Variants in FAT1 observed in about 807,000 individuals in gnomAD.
FAT1 encodes the protein protocadherin Fat 1.
A neutral mutation model predicts 329.8 loss-of-function variants in FAT1; 171 were observed. The observed-to-expected ratio is 0.52, with a 90% CI of 0.46 to 0.59. The LOEUF (loss-of-function observed/expected upper bound fraction) is 0.59, where lower values mean the gene tolerates loss of function less well. Among genes scored for constraint, FAT1 ranks in the 20% least tolerant of loss-of-function variants. The probability of loss-of-function intolerance (pLI) is 0.00; values close to 1 mark genes in which losing one functional copy is unlikely to be tolerated. For synonymous variants in FAT1, 2,233 were observed against 2,228.6 expected, an observed-to-expected ratio of 1.00 and a Z score of -0.06; for missense variants, 5,672 against 5,774.4, an observed-to-expected ratio of 0.98 and a Z score of 0.57.
At position 186,633,719 on chromosome 4, in the gene FAT1, C is replaced by G; in HGVS notation, c.4288G>C (p.Glu1430Gln). ...EQKSNYNLTV[E>Q]ATDGTTTILT... ...ATAGTGGTGGTTCCATCTGTAGCCT[C>G]GACTGTGAGGTTGTAGTTTGACTTC... The change falls in exon 7 of 27, where the codon GAG becomes CAG. Residue 1430 changes from glutamate to glutamine, a missense_variant. Physicochemically the swap from Glu to Gln is conservative, Grantham distance 29 (BLOSUM62 2). Around this residue, in one of 2 missense-constraint regions of FAT1, gnomAD observed 3,966 missense variants for 3,915.2 expected, o/e 1.01. Transcript: ENST00000441802. 6.2e-7 allele frequency: 1 copy of G among 1,613,854 alleles called. No homozygotes were observed. The highest frequency in any genetic ancestry group is 2.2e-5 in the East Asian group (1 of 44,866).
chr4:186,725,612 C>G (rs373481677), upstream of FAT1, among the ~76,000 whole-genome samples: 5 of 152,126 alleles, frequency 3.3e-5, no homozygotes, highest in East Asian at 9.7e-4. The surrounding 1 kb of genome is among the most constrained non-coding windows in gnomAD (Gnocchi z 5.4). Flanking sequence ...AGACTTAGGA[C>G]TCTGCCACGA....
chr4:186,619,342 T>C lies in FAT1; in HGVS notation c.7244A>G (p.Tyr2415Cys), dbSNP rs367553275. Reference protein sequence around the residue: ...HGHFVTCVKAYDADSSDIDKL... With the variant: ...HGHFVTCVKACDADSSDIDKL... ...GTCTATGTCTGAACTGTCTGCATCA[T>C]AGGCTTTTACACAGGTCACGAAATG... is the stretch of plus-strand genomic sequence containing the variant. Residue 2415 changes from tyrosine (Y) to cysteine (C), a missense_variant, in exon 10 of 27, where the codon TAT becomes TGT. This residue lies in a region of FAT1 where 3,966 missense variants were observed against 3,915.2 expected (regional missense o/e 1.01). Transcript: ENST00000441802. 1.6e-5 allele frequency: 26 copies of C among 1,613,944 alleles called. No individual in the cohort carries two copies. The highest frequency in any genetic ancestry group is 1.5e-4 in the South Asian group (14 of 91,088).
Position 186,709,521 on chromosome 4 carries a change from C to T in FAT1, c.307G>A (p.Gly103Arg). The change falls in exon 2 of 27, where the codon GGA becomes AGA. Residue 103 changes from glycine to arginine, a missense_variant. Gly to Arg is a moderately radical substitution (Grantham distance 125). Coordinates refer to ENST00000441802, the MANE Select transcript of FAT1 (RefSeq NM_005245.4). ...TCTCTATTAAGAATAGCTGTATTTC[C>T]TCCTTTGGTCCTTATTCTTAGAAAG... is the stretch of plus-strand genomic sequence containing the variant. ...FCFLRIRTKG[G>R]NTAILNREVK... The T allele has an allele frequency of 6.2e-7, 1 of 1,613,880 alleles. No individual in the cohort carries two copies. Among genetic ancestry groups the T allele is most frequent in the Non-Finnish European group, 8.5e-7 (1 of 1,179,866 alleles).
chr4:186,664,912 TGAAACA>T (rs1428917898), intron 2 of FAT1, among the ~76,000 whole-genome samples: 2 of 152,224 alleles, frequency 1.3e-5, no homozygotes, highest in East Asian at 3.8e-4. Context: ...TGCTCAGCAA[TGAAACA>T]TTTGGTTGAG....
chr4:186,621,636 T>C lies in FAT1; in HGVS notation c.4950A>G (p.Ile1650Met). Residue 1650 changes from isoleucine (I) to methionine (M), a missense_variant, in exon 10 of 27, where the codon ATA becomes ATG. Ile to Met is a conservative substitution (Grantham distance 10). Transcript: ENST00000441802. ...TTGTGACAAAGATACGCACAGAAGT[T>C]ATTTCACTCATTGGTGGACTGCCCT... ...TDKGSPPMSE[I>M]TSVRIFVTIA... The C allele has an allele frequency of 6.2e-7, 1 of 1,614,042 alleles. No homozygotes were observed. The highest frequency in any genetic ancestry group is 8.5e-7 in the Non-Finnish European group (1 of 1,179,900).
chr4:186,617,233 A>C (rs780599864), intron 10 of FAT1, 32 bp from the exon 11 acceptor site: 1 of 1,442,504 alleles, frequency 6.9e-7, no homozygotes, highest in Non-Finnish European at 9.4e-7. Flanking sequence ...ATAATAATCA[A>C]ATTTGTTGAA....
chr4:186,615,342 A>C (rs1374096671), intron 11 of FAT1, among the ~76,000 whole-genome samples: 1 of 152,038 alleles, frequency 6.6e-6, no homozygotes, highest in African/African-American at 2.4e-5. Flanking sequence ...TTCCATCTTA[A>C]GTCTTTCCCT....
chr4:186,601,014 C>G lies in FAT1; in HGVS notation c.11640+255G>C, dbSNP rs1231640252. 2.6e-5 allele frequency among the ~76,000 whole-genome samples: 4 copies of G among 152,282 alleles called. No homozygotes were observed. In the South Asian group the frequency reaches 8.3e-4, roughly 32 times the overall value. On this transcript the variant is annotated intron_variant, in intron 21 of 26. Transcript: ENST00000441802. ...GGCGTGAGCCACCACACCCAGCCAA[C>G]ATTATTAAAATGGGGCATCACCTAG...
rs965021515 is a variant in FAT1 at position 186,610,992 on chromosome 4, A to T, written c.9853+394T>A. Among the ~76,000 whole-genome samples, 3 of 152,170 alleles carry T rather than the reference A, an allele frequency of 2.0e-5. No individual in the cohort carries two copies. In the East Asian group the frequency reaches 5.8e-4, roughly 29 times the overall value. ...AGAAGCCCACTACAGAAACTAAAAT[A>T]AAAAAGACTGGAATTACTATTTCAC... On this transcript the variant is annotated intron_variant, in intron 14 of 26. Transcript: ENST00000441802.
intron 1 of FAT1, among the ~76,000 whole-genome samples, 162 bp downstream of exon 1, chr4:186,723,502 G>T (rs1055328868): frequency 6.6e-6 from 1 of 152,176 alleles, no homozygotes; most frequent in African/African-American, 2.4e-5. Context: ...TTCCCAACTG[G>T]GAAGGACCGA....
Position 186,601,254 on chromosome 4 carries a change from T to C in FAT1, c.11640+15A>G. The C allele has an allele frequency of 1.0e-5, 16 of 1,558,544 alleles. No individual in the cohort carries two copies. Among genetic ancestry groups the C allele is most frequent in the Non-Finnish European group, 1.3e-5 (15 of 1,138,594 alleles). On this transcript the variant is annotated intron_variant, in intron 21 of 26. Transcript: ENST00000441802. ...AAAGTCTTCCACTAAGATGCAACGCTGTGGAGAAACATACCTCCAAGATGC... is the reference window on the plus strand; with the variant it reads ...AAAGTCTTCCACTAAGATGCAACGCCGTGGAGAAACATACCTCCAAGATGC...
chr4:186,600,608 A>G (rs1738766994), intron 21 of FAT1, among the ~76,000 whole-genome samples: 1 of 152,288 alleles, frequency 6.6e-6, no homozygotes, highest in African/African-American at 2.4e-5. Flanking sequence ...AACTGAACAC[A>G]TAAGCATTAG....
chr4:186,708,950 C>T lies in FAT1; in HGVS notation c.878G>A (p.Ser293Asn), dbSNP rs771871924. The T allele has an allele frequency of 1.3e-5, 21 of 1,613,896 alleles. No individual in the cohort carries two copies. The highest frequency in any genetic ancestry group is 1.1e-5 in the Non-Finnish European group (13 of 1,179,904). The change falls in exon 2 of 27, where the codon AGC becomes AAC. Residue 293 changes from serine to asparagine, a missense_variant. Around this residue, in one of 2 missense-constraint regions of FAT1, gnomAD observed 3,966 missense variants for 3,915.2 expected, o/e 1.01. Transcript: ENST00000441802. ...CTGGAGAAGGTCACCTGCCACGATG[C>T]TTAAAGATGCTATGTCACCATTGGC... Reference protein sequence around the residue: ...QGANGDIASLSIVAGDLLQQF... With the variant: ...QGANGDIASLNIVAGDLLQQF...
chr4:186,601,503 C>T (rs186093007), intron 20 of FAT1, 77 bp from the exon 21 acceptor site: 63 of 1,177,330 alleles, frequency 5.4e-5, no homozygotes, highest in South Asian at 5.2e-4. Context: ...CCCCTGCACC[C>T]CTTGAGACTG....
In FAT1 at chr4:186,635,966, T is replaced by C. The variant is rs28372109; in HGVS notation, c.4183+59A>G. ...CTTGTGCCCAAAACTCATCAAACCGTATGCAGGTTCTCCTCAGTGTAACCC... is the reference window on the plus strand; with the variant it reads ...CTTGTGCCCAAAACTCATCAAACCGCATGCAGGTTCTCCTCAGTGTAACCC... On this transcript the variant is annotated intron_variant, in intron 6 of 26. Coordinates refer to ENST00000441802, the MANE Select transcript of FAT1 (RefSeq NM_005245.4). 0.056 allele frequency: 81,326 copies of C among 1,446,492 alleles called. 2,500 individuals carry two copies. The highest frequency in any genetic ancestry group is 0.062 in the Middle Eastern group (306 of 4,922). 89.6% of individuals were successfully genotyped at this position (1,446,492 alleles called of 1,614,324 possible). A position where few individuals can be genotyped will look rare whatever the true frequency, so the allele number is the denominator to read the frequency against.
intron 2 of FAT1, among the ~76,000 whole-genome samples, chr4:186,667,185 T>C (rs1742484164): frequency 6.6e-6 from 1 of 152,214 alleles, no homozygotes; most frequent in African/African-American, 2.4e-5. Flanking sequence ...TTTTCCGTCG[T>C]GCCTTATTTC....
intron 2 of FAT1, among the ~76,000 whole-genome samples, chr4:186,663,843 T>C (rs1004373887): frequency 2.0e-5 from 3 of 152,204 alleles, no homozygotes. Context: ...ACTTGGCACA[T>C]AATATAGGCT....
chr4:186,676,035 T>A (rs1742942891), intron 2 of FAT1, among the ~76,000 whole-genome samples: 1 of 152,114 alleles, frequency 6.6e-6, no homozygotes, highest in South Asian at 2.1e-4. Flanking sequence ...AGAAGACAGT[T>A]AAATAAAAGA....
intron 2 of FAT1, among the ~76,000 whole-genome samples, chr4:186,669,291 G>C (rs1248211637): frequency 6.6e-6 from 1 of 152,176 alleles, no homozygotes. Flanking sequence ...CCGTGAGAGG[G>C]GTGACAGGGA....
Sources: allele counts gnomAD v4.1 joint callset (sites outside exome capture counted in the v4.1 genomes callset), GRCh38; gene constraint gnomAD v4.1.1; regional missense constraint gnomAD v4.1.1; non-coding constraint Gnocchi (gnomAD v3.1); transcripts MANE v1.5; gene names NCBI Gene and HGNC (gene_info 2026-07-23, HGNC 2026-07-21).